Variants in DDX51 observed in about 807,000 individuals in gnomAD.
DDX51 encodes the protein ATP-dependent RNA helicase DDX51.
In DDX51, 67 loss-of-function variants were observed where a neutral mutation model predicts 74.6. That is an observed-to-expected ratio of 0.90 (90% CI 0.74 to 1.10). The LOEUF (loss-of-function observed/expected upper bound fraction) is 1.10. DDX51 is among the 50% of genes least tolerant of loss of function. The pLI is 0.00. For synonymous variants in DDX51, 545 were observed against 402.9 expected (o/e 1.35, Z -4.22); for missense variants, 1,056 against 905.2 (o/e 1.17, Z -2.14).
At position 132,141,435 on chromosome 12, in the gene DDX51, G is replaced by C. The variant is rs534696322; in HGVS notation, c.1105-15C>G. On this transcript the variant is annotated splice_polypyrimidine_tract_variant and intron_variant, in intron 7 of 14. Coordinates refer to ENST00000397333, the MANE Select transcript of DDX51 (RefSeq NM_175066.4). Reference sequence around the variant, plus strand: ...TCGTCGATAATCTGCAGGAGACAGGGAGCCCGGGACTGGGTGGCGCGGCCC... The same window carrying C: ...TCGTCGATAATCTGCAGGAGACAGGCAGCCCGGGACTGGGTGGCGCGGCCC... The C allele has an allele frequency of 5.0e-6, 8 of 1,586,896 alleles. No individual in the cohort carries two copies. Among genetic ancestry groups the C allele is most frequent in the Non-Finnish European group, 6.0e-6 (7 of 1,171,082 alleles).
At position 132,141,411 on chromosome 12, in the gene DDX51, CG is replaced by C. The variant is rs1242094403; in HGVS notation, c.1113del (p.Asp371GlufsTer6). ...SLQQLRFLII[D>X]EADRMIDSMH... ...ATGCTGTCAATCATCCGGTCAGCCTCGTCGATAATCTGCAGGAGACAGGGAG... is the reference window on the plus strand; with the variant it reads ...ATGCTGTCAATCATCCGGTCAGCCTCTCGATAATCTGCAGGAGACAGGGAG... On this transcript the variant is annotated frameshift_variant, in exon 8 of 15. Transcript: ENST00000397333. LOFTEE classifies it high-confidence loss of function. 1.9e-6 allele frequency: 3 copies of C among 1,593,410 alleles called. No homozygotes were observed. Among genetic ancestry groups the C allele is most frequent in the African/African-American group, 1.3e-5 (1 of 74,808 alleles).
At position 132,140,726 on chromosome 12, in the gene DDX51, C is replaced by T. The variant is rs750963623; in HGVS notation, c.1450G>A (p.Val484Met). 3.1e-5 allele frequency: 50 copies of T among 1,612,922 alleles called. No homozygotes were observed. Among genetic ancestry groups the T allele is most frequent in the Middle Eastern group, 1.6e-4 (1 of 6,084 alleles). ...AFPVGLTHHY[V>M]PCSLSSKPLV... Reference sequence around the variant, plus strand: ...GGCTTAGAGCTGAGGCTGCAGGGCACGTAGTGGTGCTACAGGGACGGCAGG... The same window carrying T: ...GGCTTAGAGCTGAGGCTGCAGGGCATGTAGTGGTGCTACAGGGACGGCAGG... Residue 484 changes from valine (V) to methionine (M), a missense_variant, in exon 10 of 15, where the codon GTG becomes ATG. By Grantham distance (21) the Val-to-Met change is conservative. Transcript: ENST00000397333.
rs371485547 is a variant in DDX51 at position 132,141,619 on chromosome 12, G to C, written c.996-13C>G. 4.5e-6 allele frequency: 7 copies of C among 1,560,140 alleles called. No individual in the cohort carries two copies. The highest frequency in any genetic ancestry group is 6.1e-6 in the Non-Finnish European group (7 of 1,155,934). On this transcript the variant is annotated splice_polypyrimidine_tract_variant and intron_variant, in intron 6 of 14. Transcript: ENST00000397333. ...GTACCCATCAGCTCTACAGACCAGAGAGCAGCTCGAGAGAAGGAAGCTTTC... is the reference window on the plus strand; with the variant it reads ...GTACCCATCAGCTCTACAGACCAGACAGCAGCTCGAGAGAAGGAAGCTTTC...
At position 132,137,230 on chromosome 12, in the gene DDX51, C is replaced by T. The variant is rs113901120; in HGVS notation, c.*2042G>A. 286 of 152,238 alleles carry T rather than the reference C, an allele frequency of 1.9e-3. No individual in the cohort carries two copies. Among genetic ancestry groups the T allele is most frequent in the African/African-American group, 6.6e-3 (274 of 41,524 alleles). The allele number at this position is 152,238 out of a possible 1,614,324, so 9.4% of individuals were successfully genotyped here. The stretch of plus-strand genomic sequence containing the variant: ...GGACGGGAATGTGCTTATTAGGGTC[C>T]ACTGTTTTACTGGGGCCCATTGTGG... On this transcript the variant is annotated 3_prime_UTR_variant, in exon 15 of 15. Coordinates refer to ENST00000397333, the MANE Select transcript of DDX51 (RefSeq NM_175066.4).
chr12:132,142,034 T>C, intron 5 of DDX51, 78 bp from the exon 6 acceptor site: 1 of 1,606,798 alleles, frequency 6.2e-7, no homozygotes, highest in East Asian at 2.2e-5. Context: ...AGATCTAATC[T>C]GGGTCCCCCA....
In DDX51 at chr12:132,140,533, G is replaced by A; in HGVS notation, c.1563C>T (p.Phe521=). The change falls in exon 11 of 15, where the codon TTC becomes TTT. Residue 521 remains phenylalanine (F), a synonymous_variant. Coordinates refer to ENST00000397333, the MANE Select transcript of DDX51 (RefSeq NM_175066.4). The part of the protein sequence containing the change: ...TNSRENSHRL[F]LLVQAFGGVD... ...CACCCCCAAAAGCTTGCACCAGCAG[G>A]AAGAGCCTAGGCAGAGAGAAGGCTG... 5 of 1,613,020 alleles carry A rather than the reference G, an allele frequency of 3.1e-6. No individual in the cohort carries two copies. Among genetic ancestry groups the A allele is most frequent in the Non-Finnish European group, 4.2e-6 (5 of 1,179,996 alleles).
intron 8 of DDX51, 27 bp from the exon 9 acceptor site, chr12:132,141,047 A>T: frequency 6.4e-7 from 1 of 1,569,238 alleles, no homozygotes; most frequent in Non-Finnish European, 8.6e-7. Flanking sequence ...TGTTGCTGGC[A>T]CCCTACCAGT....
At position 132,139,767 on chromosome 12, in the gene DDX51, C is replaced by A; in HGVS notation, c.1842G>T (p.Glu614Asp). ...QAFTLLLKVQ[E>D]RRFLRMLTEA... The stretch of plus-strand genomic sequence containing the variant: ...CAGTTAGCATTCGGAGGAATCTCCT[C>A]TCCTGGAGAGAAGCTCATGGTGGAA... Residue 614 changes from glutamate to aspartate, a missense_variant and splice_region_variant, in exon 14 of 15, where the codon GAG (glutamate) becomes GAT (aspartate). Physicochemically the swap from Glu to Asp is conservative, Grantham distance 45. Coordinates refer to ENST00000397333, the MANE Select transcript of DDX51 (RefSeq NM_175066.4). 1 of 1,613,172 alleles carries A rather than the reference C, an allele frequency of 6.2e-7. No individual in the cohort carries two copies. Among genetic ancestry groups the A allele is most frequent in the South Asian group, 1.1e-5 (1 of 91,090 alleles).
At chr12:132,141,142 C>T in intron 8 of DDX51, 122 bp from the exon 9 acceptor site, 1 of 1,496,014 alleles carries the variant, frequency 6.7e-7, no homozygotes, top group Non-Finnish European at 8.9e-7. Flanking sequence ...GTGGGTCCAG[C>T]TCACGTGACA....
Position 132,141,373 on chromosome 12 carries a change from C to G in DDX51, c.1152G>C (p.Trp384Cys). Residue 384 changes from tryptophan to cysteine, a missense_variant, in exon 8 of 15, where the codon TGG becomes TGC. Transcript: ENST00000397333. ...DRMIDSMHQS[W>C]LPRVVAAAFQ... ...AGGCGGCCGCCACCACCCGCGGCAGCCAGGACTGATGCATGCTGTCAATCA... is the reference window on the plus strand; with the variant it reads ...AGGCGGCCGCCACCACCCGCGGCAGGCAGGACTGATGCATGCTGTCAATCA... The G allele has an allele frequency of 6.3e-7, 1 of 1,598,394 alleles. No homozygotes were observed. The highest frequency in any genetic ancestry group is 8.5e-7 in the Non-Finnish European group (1 of 1,179,584).
At position 132,143,880 on chromosome 12, in the gene DDX51, T is replaced by C. The variant is rs1045664250; in HGVS notation, c.334A>G (p.Ser112Gly). Residue 112 changes from serine to glycine, a missense_variant, in exon 2 of 15, where the codon AGC becomes GGC. Transcript: ENST00000397333. ...ESNEEAPGEP[S>G]AGSSEEAPGE... ...GGCGCCTCCTCGCTGCTCCCTGCGC[T>C]GGGCTCCCCTGGCGCCTCCTCGTTG... 7.3e-6 allele frequency: 11 copies of C among 1,511,008 alleles called. No individual in the cohort carries two copies. The Admixed American group carries it at 7.9e-5, about 11-fold the overall frequency. 93.6% of individuals were successfully genotyped at this position (1,511,008 alleles called of 1,614,324 possible).
chr12:132,138,002 T>C lies in DDX51; in HGVS notation c.*1270A>G, dbSNP rs1394465997. 6.6e-6 allele frequency: 1 copy of C among 152,308 alleles called. No individual in the cohort carries two copies. The highest frequency in any genetic ancestry group is 2.4e-5 in the African/African-American group (1 of 41,468). 9.4% of individuals were successfully genotyped at this position (152,308 alleles called of 1,614,324 possible). A position where few individuals can be genotyped will look rare whatever the true frequency, so the allele number is the denominator to read the frequency against. ...TCCGGGTTCATCCACGGGGTGCCTA[T>C]GCTGGTGCCTCACTCCTTTTTCTCT... On this transcript the variant is annotated 3_prime_UTR_variant, in exon 15 of 15. Transcript: ENST00000397333.
chr12:132,141,447 G>C (rs200583410), intron 7 of DDX51, 27 bp from the exon 8 acceptor site: 14 of 1,583,586 alleles, frequency 8.8e-6, no homozygotes, highest in Non-Finnish European at 1.1e-5. Flanking sequence ...GCCCGGGACT[G>C]GGTGGCGCGG....
chr12:132,140,228 G>A (rs757415476), intron 11 of DDX51, 29 bp from the exon 12 acceptor site: 18 of 1,602,266 alleles, frequency 1.1e-5, no homozygotes, highest in African/African-American at 4.0e-5. Context: ...TTGTGGGCCC[G>A]ACGTGCCAGG....
At chr12:132,141,801 A>T in intron 6 of DDX51, 49 bp downstream of exon 6, 1 of 1,592,480 alleles carries the variant, frequency 6.3e-7, no homozygotes, top group East Asian at 2.2e-5. Context: ...GGCCACCTGC[A>T]GGGCTGAGCA....
Position 132,140,751 on chromosome 12 carries a change from G to A in DDX51, c.1441-16C>T, listed in dbSNP as rs1468572675. The A allele has an allele frequency of 6.2e-6, 10 of 1,612,920 alleles. No individual in the cohort carries two copies. Among genetic ancestry groups the A allele is most frequent in the African/African-American group, 1.3e-5 (1 of 74,938 alleles). Reference sequence around the variant, plus strand: ...CGTAGTGGTGCTACAGGGACGGCAGGGGGTCGGGGTGGAGGTGAGGGTTGG... The same window carrying A: ...CGTAGTGGTGCTACAGGGACGGCAGAGGGTCGGGGTGGAGGTGAGGGTTGG... On this transcript the variant is annotated splice_polypyrimidine_tract_variant and intron_variant, in intron 9 of 14. Transcript: ENST00000397333.
intron 6 of DDX51, 70 bp from the exon 7 acceptor site, chr12:132,141,676 C>A: frequency 6.6e-7 from 1 of 1,510,386 alleles, no homozygotes; most frequent in Admixed American, 2.1e-5. Flanking sequence ...GACGCTGCCT[C>A]ACCCCACAGC....
Position 132,144,199 on chromosome 12 carries a change from G to A in DDX51, c.98C>T (p.Ala33Val), listed in dbSNP as rs561939015. The change falls in exon 1 of 15, where the codon GCG (alanine) becomes GTG (valine). Residue 33 changes from alanine (A) to valine (V), a missense_variant. Coordinates refer to ENST00000397333, the MANE Select transcript of DDX51 (RefSeq NM_175066.4). ...AEAGAHGRAR[A>V]LLERLQSRAR... The stretch of plus-strand genomic sequence containing the variant: ...CCGGCTCTGCAGCCGCTCGAGCAGC[G>A]CGCGGGCCCTGCCGTGCGCCCCGGC... The A allele has an allele frequency of 1.2e-3, 1,406 of 1,185,142 alleles. 16 individuals are homozygous for A. The African/African-American group carries it at 0.021, about 18-fold the overall frequency. The allele number at this position is 1,185,142 out of a possible 1,614,324, so 73.4% of individuals were successfully genotyped here. A position where few individuals can be genotyped will look rare whatever the true frequency, so the allele number is the denominator to read the frequency against.
At chr12:132,141,227 G>A (rs775345879) in intron 8 of DDX51, 48 bp downstream of exon 8, 12 of 1,547,288 alleles carry the variant, frequency 7.8e-6, no homozygotes, top group African/African-American at 6.8e-5. Flanking sequence ...GCTGTGTGCA[G>A]AGGACTCTGC....
Sources: allele counts gnomAD v4.1 joint callset, GRCh38; gene constraint gnomAD v4.1.1; transcripts MANE v1.5; gene names NCBI Gene and HGNC (gene_info 2026-07-23, HGNC 2026-07-21).